DSCAM: variants seen among roughly 807,000 people sequenced by gnomAD.
DSCAM encodes the protein cell adhesion molecule DSCAM.
In DSCAM, 47 loss-of-function variants were observed where a neutral mutation model predicts 217.7. The observed-to-expected ratio is 0.22, with a 90% CI of 0.17 to 0.28. The LOEUF is 0.28. Among genes scored for constraint, DSCAM ranks in the 10% least tolerant of loss-of-function variants. DSCAM has a pLI of 1.00. For synonymous variants in DSCAM, 1,056 were observed against 1,015.3 expected, an observed-to-expected ratio of 1.04 and a Z score of -0.76; for missense variants, 2,080 against 2,618.3, an observed-to-expected ratio of 0.79 and a Z score of 4.49.
At chr21:40,670,504 C>G (rs2090260413) in intron 3 of DSCAM, among the ~76,000 whole-genome samples, 1 of 130,986 alleles carries the variant, frequency 7.6e-6, no homozygotes, top group Admixed American at 9.3e-5. Context: ...CGCCATTGCA[C>G]TCCAGCCTGG....
At chr21:40,660,568 G>C (rs2090128359) in intron 3 of DSCAM, among the ~76,000 whole-genome samples, 1 of 152,144 alleles carries the variant, frequency 6.6e-6, no homozygotes. Flanking sequence ...ATTACACACA[G>C]AATAAAAATT....
Position 40,205,794 on chromosome 21 carries a change from G to A in DSCAM, c.2357-16556C>T, listed in dbSNP as rs531185796. On this transcript the variant is annotated intron_variant, in intron 11 of 32. Transcript: ENST00000400454. ...TTCCCCATATGCACATATAAAACAGGCATATAAGATATTTAAGCATGTTTC... is the reference window on the plus strand; with the variant it reads ...TTCCCCATATGCACATATAAAACAGACATATAAGATATTTAAGCATGTTTC... Among the ~76,000 whole-genome samples, 163 of 152,074 alleles carry A rather than the reference G, an allele frequency of 1.1e-3. 1 individual carries two copies. Among genetic ancestry groups the A allele is most frequent in the Non-Finnish European group, 1.9e-3 (130 of 67,978 alleles).
At chr21:40,697,893 G>A (rs1472321174) in intron 2 of DSCAM, among the ~76,000 whole-genome samples, 1 of 152,036 alleles carries the variant, frequency 6.6e-6, no homozygotes, top group Non-Finnish European at 1.5e-5. Context: ...GGTAGGGATG[G>A]CCTTGAATCT....
intron 16 of DSCAM, among the ~76,000 whole-genome samples, chr21:40,157,832 C>T (rs2090496178): frequency 6.6e-6 from 1 of 152,022 alleles, no homozygotes; most frequent in Non-Finnish European, 1.5e-5. Context: ...GCAGCTGGGA[C>T]CACAGGCACA....
At chr21:40,085,558 T>C (rs759223242) in intron 23 of DSCAM, 44 bp downstream of exon 23, 33 of 1,415,580 alleles carry the variant, frequency 2.3e-5, no homozygotes, top group South Asian at 1.3e-4. Flanking sequence ...ATAGAAAGCA[T>C]ACATGTAAAA....
chr21:40,453,410 C>T (rs1001278570), intron 3 of DSCAM, among the ~76,000 whole-genome samples: 1 of 152,198 alleles, frequency 6.6e-6, no homozygotes, highest in African/African-American at 2.4e-5. Context: ...CTGACAGATT[C>T]TGCACTATGA....
intron 3 of DSCAM, among the ~76,000 whole-genome samples, chr21:40,536,488 G>A (rs973114753): frequency 4.9e-5 from 7 of 143,670 alleles, no homozygotes; most frequent in South Asian, 2.5e-4. Flanking sequence ...TGCAAGCTCC[G>A]CCTCCCGGGT....
intron 3 of DSCAM, among the ~76,000 whole-genome samples, chr21:40,591,025 C>A (rs1013676634): frequency 1.3e-5 from 2 of 152,136 alleles, no homozygotes; most frequent in African/African-American, 4.8e-5. Context: ...AGGGAGAGAC[C>A]AGGTGGAGAT....
intron 8 of DSCAM, among the ~76,000 whole-genome samples, chr21:40,333,761 C>T (rs1490790232): frequency 6.6e-6 from 1 of 152,206 alleles, no homozygotes. Context: ...GGAAGTAGTT[C>T]ACCACAGTCT....
Position 40,568,617 on chromosome 21 carries a change from A to C in DSCAM, c.508+124193T>G, listed in dbSNP as rs529906296. Among the ~76,000 whole-genome samples, 12 of 152,352 alleles carry C rather than the reference A, an allele frequency of 7.9e-5. No individual in the cohort carries two copies. The South Asian group carries it at 2.5e-3, about 32-fold the overall frequency. Reference sequence around the variant, plus strand: ...CTCCATTTTTATTTAAAATGCTGGAAGTTATATTGATTTTTATTATAGAAT... The same window carrying C: ...CTCCATTTTTATTTAAAATGCTGGACGTTATATTGATTTTTATTATAGAAT... On this transcript the variant is annotated intron_variant, in intron 3 of 32. Transcript: ENST00000400454.
chr21:40,093,638 T>C (rs2146592272), intron 21 of DSCAM, 83 bp downstream of exon 21: 1 of 1,493,252 alleles, frequency 6.7e-7, no homozygotes, highest in South Asian at 1.2e-5. Flanking sequence ...TTTAGGAAAG[T>C]GTAAGTTTTA....
At position 40,157,975 on chromosome 21, in the gene DSCAM, T is replaced by C. The variant is rs547367566; in HGVS notation, c.3018+9243A>G. Among the ~76,000 whole-genome samples, 652 of 152,348 alleles carry C rather than the reference T, an allele frequency of 4.3e-3. 7 individuals carry two copies. The highest frequency in any genetic ancestry group is 3.1e-3 in the Non-Finnish European group (213 of 68,042). On this transcript the variant is annotated intron_variant, in intron 16 of 32. Coordinates refer to ENST00000400454, the MANE Select transcript of DSCAM (RefSeq NM_001389.5). The stretch of plus-strand genomic sequence containing the variant: ...TTTGAAAGTGCTAGGATTATAGGTG[T>C]GAGCCACCATGCCTAGCCTCTTATC...
chr21:40,573,695 T>C (rs1309462277), intron 3 of DSCAM, among the ~76,000 whole-genome samples: 1 of 151,966 alleles, frequency 6.6e-6, no homozygotes, highest in Non-Finnish European at 1.5e-5. Context: ...AAAAGAAAAT[T>C]AACAATGTGA....
chr21:40,078,301 A>G (rs1328379067), intron 26 of DSCAM, among the ~76,000 whole-genome samples: 3 of 152,154 alleles, frequency 2.0e-5, no homozygotes, highest in Non-Finnish European at 4.4e-5. Context: ...ATGAGTGCAA[A>G]AAAGAAAGTT....
At chr21:40,119,427 G>A (rs1331933129) in intron 20 of DSCAM, among the ~76,000 whole-genome samples, 2 of 152,124 alleles carry the variant, frequency 1.3e-5, no homozygotes, top group Non-Finnish European at 2.9e-5. Flanking sequence ...GTACTGGAGA[G>A]GTCTTCCTGA....
intron 11 of DSCAM, among the ~76,000 whole-genome samples, chr21:40,239,038 TCAGAGATGGAGAACAGTTATGTGTC>T (rs1437576399): frequency 6.6e-6 from 1 of 152,182 alleles, no homozygotes; most frequent in African/African-American, 2.4e-5. Context: ...AGGAATGGCT[TCAGAGATGGAGAACAGTTATGTGTC>T]CAGAGTGGAA....
intron 11 of DSCAM, among the ~76,000 whole-genome samples, chr21:40,245,966 G>A (rs1312890089): frequency 1.3e-5 from 2 of 152,100 alleles, no homozygotes; most frequent in African/African-American, 2.4e-5. Flanking sequence ...TTTAAGGACA[G>A]TCACTTTTAA....
intron 3 of DSCAM, among the ~76,000 whole-genome samples, chr21:40,477,959 A>G (rs1393064327): frequency 6.6e-6 from 1 of 152,110 alleles, no homozygotes; most frequent in Admixed American, 6.6e-5. Context: ...TAGGTAGAGA[A>G]AAAAAATTAC....
intron 3 of DSCAM, among the ~76,000 whole-genome samples, chr21:40,655,617 C>CT (rs923897147): frequency 7.9e-5 from 12 of 151,054 alleles, no homozygotes; most frequent in South Asian, 2.1e-4. Context: ...TAATTTTTTT[C>CT]TTTTTTTTTA....
Sources: allele counts gnomAD v4.1 joint callset (sites outside exome capture counted in the v4.1 genomes callset), GRCh38; gene constraint gnomAD v4.1.1; transcripts MANE v1.5; gene names NCBI Gene and HGNC (gene_info 2026-07-23, HGNC 2026-07-21).